The following HYDIN variants were observed in gnomAD, a reference collection of about 807,000 sequenced individuals.
HYDIN encodes the protein axonemal central pair apparatus protein HYDIN.
Under a neutral mutation model 403.9 loss-of-function variants are expected in HYDIN, and 132 were observed. The observed-to-expected ratio is 0.33, with a 90% CI of 0.28 to 0.38. HYDIN has a LOEUF of 0.38. Among genes scored for constraint, HYDIN ranks in the 10% least tolerant of loss-of-function variants. The probability of loss-of-function intolerance (pLI) is 1.00; values close to 1 mark genes in which losing one functional copy is unlikely to be tolerated. For synonymous variants in HYDIN, 1,202 were observed against 1,891.7 expected (o/e 0.64, Z 9.46); for missense variants, 2,827 against 5,009.5 (o/e 0.56, Z 13.15).
chr16:71,019,331 T>C (rs1439925832), intron 22 of HYDIN, among the ~76,000 whole-genome samples: 3 of 152,288 alleles, frequency 2.0e-5, no homozygotes, highest in Admixed American at 2.0e-4. Flanking sequence ...ACCTCATCTT[T>C]CCACTGGGCT....
intron 1 of HYDIN, among the ~76,000 whole-genome samples, chr16:71,196,955 C>A (rs557858944): frequency 2.0e-5 from 3 of 152,306 alleles, no homozygotes; most frequent in East Asian, 3.9e-4. Context: ...ACCAGCAGCC[C>A]TCAGGGGTGC....
chr16:71,004,972 T>C (rs1159898779), intron 23 of HYDIN, among the ~76,000 whole-genome samples: 53 of 152,112 alleles, frequency 3.5e-4, no homozygotes, highest in Non-Finnish European at 2.9e-5. Flanking sequence ...TTGTCCATTT[T>C]ATCTAAGGCT....
rs1214490303 is a variant in HYDIN, at chr16:71,020,317, T to C, written c.3187A>G (p.Lys1063Glu). 7 of 1,611,968 alleles carry C rather than the reference T, an allele frequency of 4.3e-6. No individual in the cohort carries two copies. Among genetic ancestry groups the C allele is most frequent in the South Asian group, 1.1e-5 (1 of 90,560 alleles). The change falls in exon 22 of 86, where the codon AAA (lysine) becomes GAA (glutamate). Residue 1063 changes from lysine (K) to glutamate (E), a missense_variant and splice_region_variant. Coordinates refer to ENST00000393567, the MANE Select transcript of HYDIN (RefSeq NM_001270974.2). ...TKQLIYRLEKKPNSILKPDYQ... is the reference protein window; with the variant it reads ...TKQLIYRLEKEPNSILKPDYQ... ...TCAGGTTTCAGGATACTGTTAGGTT[T>C]CTGCAAAAACAGAAAAAGAGGAAAC...
chr16:71,081,033 C>A (rs1331497687), intron 12 of HYDIN: 1 of 151,352 alleles, frequency 6.6e-6, no homozygotes, highest in East Asian at 2.0e-4. Flanking sequence ...ACAGCCCTGC[C>A]AACACTGATT....
At chr16:71,193,529 G>GA (rs926635872) in intron 1 of HYDIN, among the ~76,000 whole-genome samples, 47 of 151,014 alleles carry the variant, frequency 3.1e-4, no homozygotes, top group Admixed American at 1.9e-3. Flanking sequence ...CTAAAAGACA[G>GA]AAAAAAAAAG....
intron 25 of HYDIN, among the ~76,000 whole-genome samples, chr16:70,990,941 T>G (rs2079331197): frequency 6.6e-6 from 1 of 152,272 alleles, no homozygotes; most frequent in African/African-American, 2.4e-5. Flanking sequence ...TTTTCATTTT[T>G]TGCTGTTTCT....
At chr16:71,221,190 C>G (rs1468557208) in intron 1 of HYDIN, among the ~76,000 whole-genome samples, 1 of 151,896 alleles carries the variant, frequency 6.6e-6, no homozygotes, top group Admixed American at 6.6e-5. Flanking sequence ...TAAAGCCTTC[C>G]TATCCCACCA....
intron 1 of HYDIN, among the ~76,000 whole-genome samples, chr16:71,209,044 A>T (rs185138966): frequency 5.6e-4 from 85 of 152,206 alleles, no homozygotes; most frequent in Admixed American, 1.2e-3. Context: ...AACTCATTCT[A>T]TGAGGCCAGC....
At chr16:71,124,323 A>C (rs2084368467) in intron 9 of HYDIN, among the ~76,000 whole-genome samples, 1 of 152,262 alleles carries the variant, frequency 6.6e-6, no homozygotes, top group Admixed American at 6.5e-5. Context: ...TAGAGTTTTG[A>C]GTCTGTCATT....
intron 1 of HYDIN, among the ~76,000 whole-genome samples, chr16:71,211,574 G>A (rs1165318479): frequency 1.3e-5 from 2 of 149,912 alleles, no homozygotes; most frequent in Admixed American, 6.6e-5. Context: ...CCCGGGAGGC[G>A]GAGTTTGCAG....
At position 71,230,068 on chromosome 16, in the gene HYDIN, TCCA is replaced by T. The variant is rs371985983; in HGVS notation, c.-24+491_-24+493del. 3.0e-4 allele frequency among the ~76,000 whole-genome samples: 46 copies of T among 152,334 alleles called. No homozygotes were observed. The East Asian group carries it at 6.8e-3, about 22-fold the overall frequency. On this transcript the variant is annotated intron_variant, in intron 1 of 85. Transcript: ENST00000393567. ...ACACGACTTTGCTCCTCCTTTGCCT[TCCA>T]CCATGATTGTGAGGCCTCCCCAGCC... is the stretch of plus-strand genomic sequence containing the variant.
intron 10 of HYDIN, among the ~76,000 whole-genome samples, chr16:71,105,211 C>T (rs1195378218): frequency 1.3e-5 from 2 of 151,694 alleles, no homozygotes; most frequent in Admixed American, 6.6e-5. Flanking sequence ...AAGAATTAGT[C>T]AACTAGAAGA....
At chr16:70,970,444 T>A in intron 36 of HYDIN, 76 bp downstream of exon 36, 2 of 1,421,958 alleles carry the variant, frequency 1.4e-6, no homozygotes. Flanking sequence ...AAGTAATCAC[T>A]AAATTGACAA....
intron 42 of HYDIN, 106 bp downstream of exon 42, chr16:70,943,706 T>C: frequency 6.9e-7 from 1 of 1,441,644 alleles, no homozygotes; most frequent in Non-Finnish European, 9.2e-7. Flanking sequence ...CCTTCCGGGC[T>C]GCCGAGCTGC....
intron 7 of HYDIN, among the ~76,000 whole-genome samples, chr16:71,149,678 C>T (rs972474513): frequency 3.3e-5 from 5 of 151,952 alleles, no homozygotes; most frequent in East Asian, 1.9e-4. Context: ...AGGCACATGC[C>T]GCCATGCCTG....
intron 75 of HYDIN, among the ~76,000 whole-genome samples, chr16:70,842,516 T>C (rs1363387340): frequency 1.3e-5 from 2 of 152,178 alleles, no homozygotes; most frequent in African/African-American, 2.4e-5. Flanking sequence ...GTAAGTCTAT[T>C]TTGTTTGACA....
intron 41 of HYDIN, among the ~76,000 whole-genome samples, chr16:70,948,340 A>C (rs1486845411): frequency 6.6e-6 from 1 of 152,224 alleles, no homozygotes; most frequent in Non-Finnish European, 1.5e-5. Context: ...GTTAGTCCTA[A>C]AACCATAACA....
chr16:70,915,247 G>T (rs912699881), intron 47 of HYDIN, among the ~76,000 whole-genome samples: 3 of 152,134 alleles, frequency 2.0e-5, no homozygotes, highest in Non-Finnish European at 4.4e-5. Context: ...TGGTTTTCTG[G>T]TTCCTTCTTA....
intron 71 of HYDIN, among the ~76,000 whole-genome samples, chr16:70,859,170 G>A (rs575797498): frequency 1.1e-3 from 167 of 152,078 alleles, no homozygotes; most frequent in Middle Eastern, 3.4e-3. Flanking sequence ...GCGTGGTGGC[G>A]GGCGCTTGTA....
Sources: gnomAD v4.1 joint callset for allele counts (sites outside exome capture counted in the v4.1 genomes callset) on GRCh38, gnomAD v4.1.1 for gene constraint, MANE v1.5 for transcripts, NCBI Gene and HGNC (gene_info 2026-07-23, HGNC 2026-07-21) for gene names.